Variants in THSD4 observed in about 807,000 individuals in gnomAD.
THSD4 encodes the protein thrombospondin type 1 domain containing 4.
THSD4 carries 69 observed loss-of-function variants against 119.0 expected under a neutral mutation model. The ratio of observed to expected loss-of-function variants is 0.58; its 90% CI spans 0.48 to 0.71. The LOEUF is 0.71. THSD4 is among the 30% of genes least tolerant of loss of function. The pLI, the probability that THSD4 is intolerant of heterozygous loss-of-function variation, is 0.00. For synonymous variants in THSD4, 524 were observed against 540.4 expected, an observed-to-expected ratio of 0.97 and a Z score of 0.42; for missense variants, 1,393 against 1,391.1, an observed-to-expected ratio of 1.00 and a Z score of -0.02.
chr15:71,740,804 A>C (rs530671179), intron 11 of THSD4, among the ~76,000 whole-genome samples: 22 of 152,332 alleles, frequency 1.4e-4, no homozygotes, highest in African/African-American at 4.8e-4. Flanking sequence ...GTATCTGGCC[A>C]GCAAAGTCCT....
At chr15:71,396,419 C>G (rs188443814) in intron 6 of THSD4, among the ~76,000 whole-genome samples, 45 of 152,264 alleles carry the variant, frequency 3.0e-4, no homozygotes, top group Admixed American at 2.7e-3. Flanking sequence ...GCTACCACTT[C>G]CTCTGCCTCT....
intron 7 of THSD4, among the ~76,000 whole-genome samples, chr15:71,599,081 A>G (rs922139848): frequency 6.6e-6 from 1 of 152,192 alleles, no homozygotes; most frequent in African/African-American, 2.4e-5. Flanking sequence ...ATTTAAAGGT[A>G]GGACCACTTG....
intron 8 of THSD4, among the ~76,000 whole-genome samples, chr15:71,697,652 C>T (rs1459220150): frequency 6.6e-6 from 1 of 152,150 alleles, no homozygotes; most frequent in Non-Finnish European, 1.5e-5. Context: ...TCAGATCAGT[C>T]CAAAACGCAC....
intron 8 of THSD4, among the ~76,000 whole-genome samples, chr15:71,691,369 C>T (rs1002528673): frequency 1.3e-5 from 2 of 152,210 alleles, no homozygotes; most frequent in African/African-American, 4.8e-5. Context: ...CACTCACCTT[C>T]CTTTATCATC....
At chr15:71,236,383 G>T (rs1426199526) in intron 4 of THSD4, among the ~76,000 whole-genome samples, 1 of 152,150 alleles carries the variant, frequency 6.6e-6, no homozygotes, top group Non-Finnish European at 1.5e-5. Context: ...TGAAAATAAA[G>T]GCTGAGTCTT....
In THSD4 at chr15:71,748,532, A is replaced by G; in HGVS notation, c.2353A>G (p.Ile785Val). 1 of 1,614,218 alleles carries G rather than the reference A, an allele frequency of 6.2e-7. No individual in the cohort carries two copies. Among genetic ancestry groups the G allele is most frequent in the Non-Finnish European group, 8.5e-7 (1 of 1,180,034 alleles). Residue 785 changes from isoleucine to valine, a missense_variant, in exon 14 of 18, where the codon ATT becomes GTT. Coordinates refer to ENST00000261862, the MANE Select transcript of THSD4 (RefSeq NM_024817.3). ...ECNMKLRPND[I>V]ENCDMGPCAK... ...CAACATGAAGCTCCGGCCGAATGAC[A>G]TTGAGAACTGCGACATGGGACCCTG...
intron 1 of THSD4, among the ~76,000 whole-genome samples, chr15:71,097,224 C>T (rs1251382931): frequency 6.6e-6 from 1 of 152,110 alleles, no homozygotes; most frequent in African/African-American, 2.4e-5. Context: ...ACCAGATCAA[C>T]CTGGCAGCAT....
intron 8 of THSD4, among the ~76,000 whole-genome samples, chr15:71,705,824 A>G (rs747805787): frequency 3.9e-5 from 6 of 152,236 alleles, no homozygotes; most frequent in Non-Finnish European, 7.3e-5. Flanking sequence ...GGCAGTTCAT[A>G]TAATGAGGGA....
At chr15:71,564,548 A>C (rs1567039081) in intron 7 of THSD4, among the ~76,000 whole-genome samples, 1 of 152,028 alleles carries the variant, frequency 6.6e-6, no homozygotes, top group Non-Finnish European at 1.5e-5. Flanking sequence ...TCCATTACCC[A>C]AAACCCTTGA....
chr15:71,593,423 C>CAAA (rs563484588), intron 7 of THSD4, among the ~76,000 whole-genome samples: 1 of 1,960 alleles, frequency 5.1e-4, no homozygotes, highest in African/African-American at 7.6e-4. Flanking sequence ...GACTCCGTCT[C>CAAA]AAAAAAAAAA....
intron 8 of THSD4, among the ~76,000 whole-genome samples, 173 bp downstream of exon 8, chr15:71,660,907 G>A (rs572125047): frequency 2.8e-4 from 43 of 152,208 alleles, no homozygotes; most frequent in African/African-American, 1.0e-3. Context: ...AGCTTGAGTG[G>A]AGAACGTTAA....
intron 7 of THSD4, among the ~76,000 whole-genome samples, chr15:71,631,193 TGGCCA>T (rs2050622197): frequency 6.6e-6 from 1 of 152,208 alleles, no homozygotes; most frequent in African/African-American, 2.4e-5. Context: ...CAAGTTGTCA[TGGCCA>T]GGCCTGTGCC....
rs966905122 is a variant in THSD4 at position 71,694,880 on chromosome 15, G to A, written c.1358-33669G>A. ...CACTCCCCTGTATCCACCTGGAGTC[G>A]TGTGCACCTGGCCACCAGGATGGTC... On this transcript the variant is annotated intron_variant, in intron 8 of 17. Transcript: ENST00000261862. Among the ~76,000 whole-genome samples the A allele has an allele frequency of 5.9e-5, 9 of 151,972 alleles. No homozygotes were observed. The East Asian group carries it at 7.7e-4, about 13-fold the overall frequency.
intron 7 of THSD4, among the ~76,000 whole-genome samples, chr15:71,528,496 T>C (rs139065524): frequency 2.7e-4 from 41 of 152,228 alleles, no homozygotes; most frequent in African/African-American, 8.2e-4. Context: ...TTTAGTAGAG[T>C]TGTCCACTTC....
intron 7 of THSD4, among the ~76,000 whole-genome samples, chr15:71,525,086 A>G (rs576054335): frequency 6.6e-6 from 1 of 151,904 alleles, no homozygotes; most frequent in African/African-American, 2.4e-5. Flanking sequence ...AGAGAAATGT[A>G]GCCATCAATT....
chr15:71,148,687 C>A (rs2040689478), intron 2 of THSD4, among the ~76,000 whole-genome samples: 1 of 152,130 alleles, frequency 6.6e-6, no homozygotes, highest in African/African-American at 2.4e-5. Flanking sequence ...GGCTTCCCCA[C>A]CTCATACAGA....
rs906283331 is a variant in THSD4 at position 71,781,446 on chromosome 15, A to G, written c.*4072A>G. On this transcript the variant is annotated 3_prime_UTR_variant, in exon 18 of 18. Transcript: ENST00000261862. ...AGGAGAAAACAGTGGTGAGGATCAC[A>G]TCACATTGTGTTTGCATTTGCCGGA... 5 of 152,474 alleles carry G rather than the reference A, an allele frequency of 3.3e-5. No individual in the cohort carries two copies. Among genetic ancestry groups the G allele is most frequent in the African/African-American group, 1.2e-4 (5 of 41,472 alleles). 9.4% of individuals were successfully genotyped at this position (152,474 alleles called of 1,614,324 possible).
At chr15:71,594,305 T>A (rs921902630) in intron 7 of THSD4, among the ~76,000 whole-genome samples, 2 of 151,720 alleles carry the variant, frequency 1.3e-5, no homozygotes, top group Non-Finnish European at 2.9e-5. Context: ...AACTCCCGGG[T>A]TCAAACTATT....
At chr15:71,348,465 C>G (rs1481324470) in intron 6 of THSD4, 1 of 152,246 alleles carries the variant, frequency 6.6e-6, no homozygotes, top group Non-Finnish European at 1.5e-5. Context: ...CTCAGAACAC[C>G]TGCTCACCAT....
Sources: gnomAD v4.1 joint callset for allele counts (sites outside exome capture counted in the v4.1 genomes callset) on GRCh38, gnomAD v4.1.1 for gene constraint, MANE v1.5 for transcripts, NCBI Gene and HGNC (gene_info 2026-07-23, HGNC 2026-07-21) for gene names.